The following CNTLN variants were observed in gnomAD, a reference collection of about 807,000 sequenced individuals.
CNTLN encodes the protein centlein.
CNTLN carries 212 observed loss-of-function variants against 180.0 expected under a neutral mutation model. That is an observed-to-expected ratio of 1.18 (90% confidence interval 1.05 to 1.32). The LOEUF is 1.32. CNTLN is among the 40% of genes most tolerant of loss of function. CNTLN has a pLI of 0.00. For synonymous variants in CNTLN, 722 were observed against 563.1 expected (o/e 1.28, Z -3.99); for missense variants, 2,095 against 1,610.9 (o/e 1.30, Z -5.14).
Position 17,409,367 on chromosome 9 carries a change from C to T in CNTLN, c.2690C>T (p.Thr897Met), listed in dbSNP as rs761699777. 25 of 1,613,120 alleles carry T rather than the reference C, an allele frequency of 1.5e-5. No individual in the cohort carries two copies. Among genetic ancestry groups the T allele is most frequent in the Admixed American group, 8.3e-5 (5 of 59,978 alleles). Residue 897 changes from threonine to methionine, a missense_variant, in exon 16 of 26, where the codon ACG becomes ATG. Physicochemically the swap from Thr to Met is moderately conservative, Grantham distance 81 (BLOSUM62 -1). Transcript: ENST00000380647. Reference sequence around the variant, plus strand: ...GAAACATCCCAGAAAATAAGTCCTACGGAAGATGGAAAAGACCAGAAAGAA... The same window carrying T: ...GAAACATCCCAGAAAATAAGTCCTATGGAAGATGGAAAAGACCAGAAAGAA... ...IVETSQKISPTEDGKDQKESD... is the reference protein window; with the variant it reads ...IVETSQKISPMEDGKDQKESD...
chr9:17,236,336 T>G, intron 4 of CNTLN, 73 bp from the exon 5 acceptor site: 2 of 1,259,048 alleles, frequency 1.6e-6, no homozygotes, highest in Non-Finnish European at 2.2e-6. Context: ...ATTTGCTGAT[T>G]AGTGCTCACC....
chr9:17,269,231 A>T (rs907732693), intron 5 of CNTLN, among the ~76,000 whole-genome samples: 5 of 151,918 alleles, frequency 3.3e-5, no homozygotes, highest in Non-Finnish European at 5.9e-5. Context: ...CTTATTTAAA[A>T]TTTTTTTTCT....
chr9:17,164,455 A>ATTT (rs1586971182), intron 2 of CNTLN, among the ~76,000 whole-genome samples: 1 of 88,222 alleles, frequency 1.1e-5, no homozygotes, highest in Non-Finnish European at 2.2e-5. Context: ...CCTTATTTTT[A>ATTT]TGTTTTTTTT....
At chr9:17,385,417 G>T (rs1198325553) in intron 13 of CNTLN, among the ~76,000 whole-genome samples, 45 of 152,162 alleles carry the variant, frequency 3.0e-4, no homozygotes, top group Non-Finnish European at 1.6e-4. Flanking sequence ...CTTGCAGCCA[G>T]TCCTCATCTT....
At chr9:17,463,341 T>C (rs943492117) in intron 20 of CNTLN, among the ~76,000 whole-genome samples, 1 of 151,608 alleles carries the variant, frequency 6.6e-6, no homozygotes, top group African/African-American at 2.4e-5. Flanking sequence ...TGATTAGTAT[T>C]TGTATTGGAT....
chr9:17,202,592 T>C (rs1187464902), intron 2 of CNTLN, among the ~76,000 whole-genome samples: 1 of 151,988 alleles, frequency 6.6e-6, no homozygotes, highest in African/African-American at 2.4e-5. Flanking sequence ...TTTGTCTTTT[T>C]TGATCTTTGT....
At chr9:17,477,787 A>T (rs1049718872) in intron 23 of CNTLN, among the ~76,000 whole-genome samples, 1 of 152,240 alleles carries the variant, frequency 6.6e-6, no homozygotes, top group Non-Finnish European at 1.5e-5. Flanking sequence ...TGAACATTGT[A>T]GAAATGACAA....
At chr9:17,335,133 A>G (rs1220518665) in intron 10 of CNTLN, among the ~76,000 whole-genome samples, 1 of 152,192 alleles carries the variant, frequency 6.6e-6, no homozygotes, top group Non-Finnish European at 1.5e-5. Flanking sequence ...GAGGTTTTCA[A>G]CAGATTAAAT....
In CNTLN at chr9:17,395,036, G is replaced by A; in HGVS notation, c.2582G>A (p.Ser861Asn). ...ATGAGCAATGTGTTTGAGAACCTCA[G>A]CAAGGACGGCTGGGAGGATGTGAGT... The part of the protein sequence containing the change: ...KVMSNVFENL[S>N]KDGWEDVSES... Residue 861 changes from serine (S) to asparagine (N), a missense_variant, in exon 15 of 26, where the codon AGC (serine) becomes AAC (asparagine). Transcript: ENST00000380647. The A allele has an allele frequency of 1.2e-6, 2 of 1,611,916 alleles. No individual in the cohort carries two copies. Among genetic ancestry groups the A allele is most frequent in the Non-Finnish European group, 1.7e-6 (2 of 1,178,406 alleles).
At chr9:17,405,157 A>G (rs956543476) in intron 15 of CNTLN, among the ~76,000 whole-genome samples, 1 of 151,680 alleles carries the variant, frequency 6.6e-6, no homozygotes, top group South Asian at 2.1e-4. Context: ...TCTTGTTATT[A>G]TAGTTTGCCA....
chr9:17,391,711 T>G (rs1826130396), intron 14 of CNTLN, among the ~76,000 whole-genome samples: 1 of 152,196 alleles, frequency 6.6e-6, no homozygotes, highest in South Asian at 2.1e-4. Context: ...ATTCAGACTA[T>G]TCAGCACAAG....
chr9:17,321,413 G>A (rs1819902679), intron 8 of CNTLN, among the ~76,000 whole-genome samples: 1 of 152,148 alleles, frequency 6.6e-6, no homozygotes, highest in Non-Finnish European at 1.5e-5. Flanking sequence ...GAGAGTTGAT[G>A]CCTTATCCTT....
intron 18 of CNTLN, among the ~76,000 whole-genome samples, chr9:17,425,371 C>CA (rs1247561507): frequency 6.6e-6 from 1 of 152,110 alleles, no homozygotes; most frequent in Non-Finnish European, 1.5e-5. Flanking sequence ...TAATAGGACA[C>CA]AACAAGACAC....
intron 2 of CNTLN, among the ~76,000 whole-genome samples, chr9:17,198,398 T>C (rs2131856424): frequency 6.7e-6 from 1 of 150,180 alleles, no homozygotes; most frequent in East Asian, 1.9e-4. Context: ...TTTTTTTTTT[T>C]TTTTTGTATT....
intron 23 of CNTLN, among the ~76,000 whole-genome samples, chr9:17,483,366 G>C (rs1361928884): frequency 6.6e-6 from 1 of 152,140 alleles, no homozygotes; most frequent in Non-Finnish European, 1.5e-5. Context: ...ATATATATTA[G>C]TGCTATCTTG....
At chr9:17,212,506 C>G (rs1279410513) in intron 2 of CNTLN, among the ~76,000 whole-genome samples, 1 of 152,158 alleles carries the variant, frequency 6.6e-6, no homozygotes, top group African/African-American at 2.4e-5. Context: ...GGATATTGGT[C>G]TAAAATTCTC....
At chr9:17,169,623 T>C (rs1456266299) in intron 2 of CNTLN, among the ~76,000 whole-genome samples, 1 of 152,186 alleles carries the variant, frequency 6.6e-6, no homozygotes, top group Non-Finnish European at 1.5e-5. Context: ...CATGTAGCTA[T>C]CTAGTTTTCT....
chr9:17,298,128 A>G (rs1818079810), intron 6 of CNTLN, 62 bp from the exon 7 acceptor site: 15 of 1,328,730 alleles, frequency 1.1e-5, no homozygotes, highest in Admixed American at 2.9e-5. Flanking sequence ...AGATGAACAC[A>G]ATTATTTAAC....
chr9:17,192,657 A>G (rs1432930263), intron 2 of CNTLN, among the ~76,000 whole-genome samples: 3 of 152,224 alleles, frequency 2.0e-5, no homozygotes. Context: ...GAAATCTTGC[A>G]GTATGGTTCC....
Sources: gnomAD v4.1 joint callset for allele counts (sites outside exome capture counted in the v4.1 genomes callset) on GRCh38, gnomAD v4.1.1 for gene constraint, MANE v1.5 for transcripts, NCBI Gene and HGNC (gene_info 2026-07-23, HGNC 2026-07-21) for gene names.